The following ZNF133 variants were observed in gnomAD, a reference collection of about 807,000 sequenced individuals.
ZNF133 encodes zinc finger protein 133.
A neutral mutation model predicts 54.9 loss-of-function variants in ZNF133; 26 were observed. That is an observed-to-expected ratio of 0.47 (90% CI 0.35 to 0.66). ZNF133 has a LOEUF of 0.66. ZNF133 is among the 30% of genes least tolerant of loss of function. The pLI, the probability that ZNF133 is intolerant of heterozygous loss-of-function variation, is 0.01. For missense variants in ZNF133, 653 were observed against 820.8 expected (o/e 0.80, Z 2.50); for synonymous variants, 298 against 320.3 (o/e 0.93, Z 0.74).
At position 18,316,127 on chromosome 20, in the gene ZNF133, A is replaced by T. The variant is rs144265827; in HGVS notation, c.1276A>T (p.Ile426Phe). Residue 426 changes from isoleucine (I) to phenylalanine (F), a missense_variant, in exon 7 of 7, where the codon ATC (isoleucine) becomes TTC (phenylalanine). Physicochemically the swap from Ile to Phe is conservative, Grantham distance 21. Coordinates refer to ENST00000425686, the MANE Select transcript of ZNF133 (RefSeq NM_001352452.2). Reference sequence around the variant, plus strand: ...CAGCTTCAGCCAGAATTCAACCCTCATCTCTCACAGGCGGACACACACTGG... The same window carrying T: ...CAGCTTCAGCCAGAATTCAACCCTCTTCTCTCACAGGCGGACACACACTGG... ...GHSFSQNSTL[I>F]SHRRTHTGEK... 38 of 1,612,174 alleles carry T rather than the reference A, an allele frequency of 2.4e-5. No homozygotes were observed. Among genetic ancestry groups the T allele is most frequent in the Non-Finnish European group, 3.1e-5 (37 of 1,179,000 alleles).
Position 18,302,470 on chromosome 20 carries a change from A to G in ZNF133, c.-177-2538A>G, listed in dbSNP as rs545310109. 1.1e-4 allele frequency among the ~76,000 whole-genome samples: 16 copies of G among 152,168 alleles called. No individual in the cohort carries two copies. The South Asian group carries it at 2.3e-3, about 22-fold the overall frequency. On this transcript the variant is annotated intron_variant, in intron 3 of 6. Transcript: ENST00000425686. Reference sequence around the variant, plus strand: ...TTAACAGATGAAAGAAAAAAAACACATGATCATCTCAATGCAGAAAAGTAT... The same window carrying G: ...TTAACAGATGAAAGAAAAAAAACACGTGATCATCTCAATGCAGAAAAGTAT...
Position 18,305,863 on chromosome 20 carries a change from G to T in ZNF133, c.121+56G>T. The T allele has an allele frequency of 6.4e-7, 1 of 1,561,696 alleles. No homozygotes were observed. The highest frequency in any genetic ancestry group is 1.9e-5 in the Admixed American group (1 of 51,690). Reference sequence around the variant, plus strand: ...CTTATTGCTGGGAATTTTAGGCTATGCTTGAAGCAGCCATCTTGCTTTGTT... The same window carrying T: ...CTTATTGCTGGGAATTTTAGGCTATTCTTGAAGCAGCCATCTTGCTTTGTT... On this transcript the variant is annotated intron_variant, in intron 5 of 6. Transcript: ENST00000425686. The surrounding 1 kb of genome is among the most constrained non-coding windows in gnomAD (Gnocchi z 4.7).
At chr20:18,293,731 A>G (rs185160269) in intron 1 of ZNF133, among the ~76,000 whole-genome samples, 1 of 152,366 alleles carries the variant, frequency 6.6e-6, no homozygotes, top group Non-Finnish European at 1.5e-5. Context: ...AATTCTAATT[A>G]ATGGATTTAG....
At chr20:18,308,246 GAAGTATA>G (rs1293196550) in intron 6 of ZNF133, among the ~76,000 whole-genome samples, 1 of 152,104 alleles carries the variant, frequency 6.6e-6, no homozygotes. Flanking sequence ...TGTTTGCACA[GAAGTATA>G]TATTTTCTTT....
Position 18,309,085 on chromosome 20 carries a change from T to C in ZNF133, c.217+2692T>C, listed in dbSNP as rs1473673136. Among the ~76,000 whole-genome samples the C allele has an allele frequency of 2.0e-5, 3 of 152,212 alleles. 1 individual carries two copies. Among genetic ancestry groups the C allele is most frequent in the Non-Finnish European group, 4.4e-5 (3 of 68,036 alleles). Reference sequence around the variant, plus strand: ...CCCTGTGTCTTCACATGGCCCTTTCTCAATGCTCACACATCTTTGTCGTCT... The same window carrying C: ...CCCTGTGTCTTCACATGGCCCTTTCCCAATGCTCACACATCTTTGTCGTCT... On this transcript the variant is annotated intron_variant, in intron 6 of 6. Transcript: ENST00000425686.
intron 6 of ZNF133, among the ~76,000 whole-genome samples, chr20:18,308,193 A>G (rs1240645417): frequency 6.6e-6 from 1 of 152,208 alleles, no homozygotes; most frequent in Non-Finnish European, 1.5e-5. Flanking sequence ...AAGAAATTAT[A>G]TATGTGCTTT....
rs1329619496 is a variant in ZNF133 at position 18,314,998 on chromosome 20, G to T, written c.218-71G>T. The T allele has an allele frequency of 2.1e-6, 3 of 1,460,896 alleles. No homozygotes were observed. In the East Asian group the frequency reaches 6.9e-5, roughly 34 times the overall value. 90.5% of individuals were successfully genotyped at this position (1,460,896 alleles called of 1,614,324 possible). A position where few individuals can be genotyped will look rare whatever the true frequency, so the allele number is the denominator to read the frequency against. On this transcript the variant is annotated intron_variant, in intron 6 of 6. Coordinates refer to ENST00000425686, the MANE Select transcript of ZNF133 (RefSeq NM_001352452.2). ...GGCCTAAGTGTTTTGAAGCCTAGGG[G>T]ATCTGACTAAGCTGATTGCTCAGGC...
At chr20:18,291,513 C>G (rs140903154) in intron 1 of ZNF133, among the ~76,000 whole-genome samples, 535 of 152,206 alleles carry the variant, frequency 3.5e-3, no homozygotes, top group Non-Finnish European at 4.7e-3. Flanking sequence ...GCTCTTCCTT[C>G]CCTCCCAAAT....
chr20:18,305,206 G>A lies in ZNF133; in HGVS notation c.-7+28G>A. ...AAGAAAACTGGGATACTAGTTGGTG[G>A]CAGAGGTGGGTCTGAAACTCAGGCA... On this transcript the variant is annotated intron_variant, in intron 4 of 6. Coordinates refer to ENST00000425686, the MANE Select transcript of ZNF133 (RefSeq NM_001352452.2). This position sits in a 1 kb window ranked among gnomAD's most constrained non-coding sequence, Gnocchi z 4.7. 1 of 989,724 alleles carries A rather than the reference G, an allele frequency of 1.0e-6. No homozygotes were observed. The highest frequency in any genetic ancestry group is 1.2e-6 in the Non-Finnish European group (1 of 833,186). The allele number at this position is 989,724 out of a possible 1,614,324, so 61.3% of individuals were successfully genotyped here.
intron 1 of ZNF133, among the ~76,000 whole-genome samples, chr20:18,294,764 A>G (rs1382346387): frequency 2.0e-5 from 3 of 152,204 alleles, no homozygotes; most frequent in Admixed American, 1.3e-4. Context: ...GTGGTGTATT[A>G]TAATAAAAGA....
At chr20:18,292,427 A>T (rs1179939071) in intron 1 of ZNF133, among the ~76,000 whole-genome samples, 2 of 152,174 alleles carry the variant, frequency 1.3e-5, no homozygotes, top group African/African-American at 4.8e-5. Context: ...TCCCTTGGCC[A>T]TGCCAGCCTG....
chr20:18,316,547 A>T lies in ZNF133; in HGVS notation c.1696A>T (p.Ile566Phe). ...GLGFGNKSAL[I>F]THKRAHSEEK... ...GGGCTTTGGCAATAAGTCAGCTCTA[A>T]TTACACACAAGCGGGCTCACTCGGA... The change falls in exon 7 of 7, where the codon ATT becomes TTT. Residue 566 changes from isoleucine to phenylalanine, a missense_variant. Transcript: ENST00000425686. 6.2e-7 allele frequency: 1 copy of T among 1,614,026 alleles called. No homozygotes were observed. The highest frequency in any genetic ancestry group is 8.5e-7 in the Non-Finnish European group (1 of 1,179,892).
At position 18,315,235 on chromosome 20, in the gene ZNF133, G is replaced by GAAGC; in HGVS notation, c.386_389dup (p.Gln131AlafsTer6). On this transcript the variant is annotated frameshift_variant, in exon 7 of 7. Coordinates refer to ENST00000425686, the MANE Select transcript of ZNF133 (RefSeq NM_001352452.2). LOFTEE classifies it high-confidence loss of function. ...GGGATCCGGGCCCAGGGGACCAGGA[G>GAAGC]AAGCAGCAACAAGCCTCTGAGGGGA... 1 of 1,614,102 alleles carries GAAGC rather than the reference G, an allele frequency of 6.2e-7. No homozygotes were observed.
chr20:18,315,783 C>T lies in ZNF133; in HGVS notation c.932C>T (p.Ser311Leu). ...TGTGGGCGAGGCTTCAGCCAGAAGT[C>T]AAACCTCATCATACACCAGAGGACA... is the stretch of plus-strand genomic sequence containing the variant. ...SECGRGFSQK[S>L]NLIIHQRTHS... Residue 311 changes from serine (S) to leucine (L), a missense_variant, in exon 7 of 7, where the codon TCA becomes TTA. Ser to Leu is a moderately radical substitution (Grantham distance 145). This residue lies in a region of ZNF133 where 292 missense variants were observed against 431.6 expected (regional missense o/e 0.68). Coordinates refer to ENST00000425686, the MANE Select transcript of ZNF133 (RefSeq NM_001352452.2). 6.2e-7 allele frequency: 1 copy of T among 1,614,168 alleles called. No homozygotes were observed. Among genetic ancestry groups the T allele is most frequent in the Non-Finnish European group, 8.5e-7 (1 of 1,180,012 alleles).
intron 1 of ZNF133, among the ~76,000 whole-genome samples, chr20:18,294,684 G>A (rs1307181484): frequency 6.6e-6 from 1 of 152,128 alleles, no homozygotes; most frequent in Non-Finnish European, 1.5e-5. Flanking sequence ...TGAAGAAGGG[G>A]TGTTGAGTTT....
intron 3 of ZNF133, among the ~76,000 whole-genome samples, chr20:18,304,703 A>C (rs1744815124): frequency 6.6e-6 from 1 of 152,248 alleles, no homozygotes. Flanking sequence ...ACAGAAAGCA[A>C]AATGGTCACT....
chr20:18,315,874 C>T lies in ZNF133; in HGVS notation c.1023C>T (p.Val341=), dbSNP rs375405758. 6.2e-6 allele frequency: 10 copies of T among 1,613,808 alleles called. No homozygotes were observed. The highest frequency in any genetic ancestry group is 1.7e-5 in the Admixed American group (1 of 59,992). Residue 341 remains valine (V), a synonymous_variant, in exon 7 of 7, where the codon GTC becomes GTT. Transcript: ENST00000425686. ...AAGGCTTCAGCCAGAAGTCAGCTGT[C>T]GTGAGACACCAGAGGACACACTTGG... The part of the protein sequence containing the change: ...CGKGFSQKSA[V]VRHQRTHLEE...
intron 1 of ZNF133, chr20:18,295,562 C>T (rs1245992820): frequency 6.6e-6 from 1 of 152,212 alleles, no homozygotes; most frequent in African/African-American, 2.4e-5. Flanking sequence ...GCTTTCTGTT[C>T]ATTAATTTAT....
Position 18,316,379 on chromosome 20 carries a change from G to A in ZNF133, c.1528G>A (p.Val510Ile), listed in dbSNP as rs780568280. 3 of 1,609,948 alleles carry A rather than the reference G, an allele frequency of 1.9e-6. No homozygotes were observed. The highest frequency in any genetic ancestry group is 2.2e-5 in the South Asian group (2 of 90,726). The change falls in exon 7 of 7, where the codon GTT becomes ATT. Residue 510 changes from valine to isoleucine, a missense_variant. By Grantham distance (29) the Val-to-Ile change is conservative. Coordinates refer to ENST00000425686, the MANE Select transcript of ZNF133 (RefSeq NM_001352452.2). ...GRGFSQKSNL[V>I]AHQRTHSGER... ...AGGCTTCAGCCAGAAGTCAAACCTTGTTGCACACCAGAGGACGCACTCAGG... is the reference window on the plus strand; with the variant it reads ...AGGCTTCAGCCAGAAGTCAAACCTTATTGCACACCAGAGGACGCACTCAGG...
Sources: gnomAD v4.1 joint callset for allele counts (sites outside exome capture counted in the v4.1 genomes callset) on GRCh38, gnomAD v4.1.1 for gene constraint, gnomAD v4.1.1 regional missense constraint, Gnocchi (gnomAD v3.1) non-coding constraint, MANE v1.5 for transcripts, NCBI Gene and HGNC (gene_info 2026-07-23, HGNC 2026-07-21) for gene names.